ADARB2: variants seen among roughly 807,000 people sequenced by gnomAD.
ADARB2 encodes the protein inactive double-stranded RNA-specific editase B2.
In ADARB2, 25 loss-of-function variants were observed where a neutral mutation model predicts 62.2. The observed-to-expected ratio is 0.40, with a 90% CI of 0.29 to 0.56. The LOEUF is 0.56. ADARB2 is among the 20% of genes least tolerant of loss of function. ADARB2 has a pLI of 0.43. For missense variants in ADARB2, 1,071 were observed against 1,077.4 expected, an observed-to-expected ratio of 0.99 and a Z score of 0.08; for synonymous variants, 572 against 500.8, an observed-to-expected ratio of 1.14 and a Z score of -1.90.
At chr10:1,694,575 T>C (rs906169484) in intron 1 of ADARB2, among the ~76,000 whole-genome samples, 4 of 152,174 alleles carry the variant, frequency 2.6e-5, no homozygotes, top group Non-Finnish European at 4.4e-5. Flanking sequence ...AATGGCCCCA[T>C]TCAGGGGAAT....
intron 4 of ADARB2, among the ~76,000 whole-genome samples, chr10:1,257,177 G>A (rs1488104110): frequency 6.6e-6 from 1 of 152,184 alleles, no homozygotes; most frequent in African/African-American, 2.4e-5. Flanking sequence ...TGACTGAGGT[G>A]TGAGTTCCCC....
intron 3 of ADARB2, among the ~76,000 whole-genome samples, chr10:1,320,068 C>A (rs996911479): frequency 6.6e-6 from 1 of 152,208 alleles, no homozygotes; most frequent in African/African-American, 2.4e-5. Flanking sequence ...TCTTACTACT[C>A]CCTTCCCATT....
chr10:1,313,338 AG>A (rs1221789737), intron 3 of ADARB2, among the ~76,000 whole-genome samples: 1 of 152,198 alleles, frequency 6.6e-6, no homozygotes, highest in African/African-American at 2.4e-5. Flanking sequence ...TTCCACAGCC[AG>A]GGGTGTCCTG....
intron 6 of ADARB2, among the ~76,000 whole-genome samples, chr10:1,226,584 T>G (rs1830748752): frequency 6.6e-6 from 1 of 152,194 alleles, no homozygotes; most frequent in African/African-American, 2.4e-5. Context: ...ACAGATGGGT[T>G]TTTGGTGTGG....
Position 1,633,566 on chromosome 10 carries a change from ATC to A in ADARB2, c.100+103483_100+103484del, listed in dbSNP as rs1164121187. Among the ~76,000 whole-genome samples, 80 of 147,570 alleles carry A rather than the reference ATC, an allele frequency of 5.4e-4. 1 individual carries two copies. Among genetic ancestry groups the A allele is most frequent in the African/African-American group, 1.8e-3 (73 of 39,760 alleles). ...CTATCTATCATCTATCTATCTATCT[ATC>A]TATCTATCTATCTATCTATCTATCT... On this transcript the variant is annotated intron_variant, in intron 1 of 9. Transcript: ENST00000381312.
chr10:1,212,181 T>C (rs1264013446), intron 7 of ADARB2, among the ~76,000 whole-genome samples: 1 of 152,242 alleles, frequency 6.6e-6, no homozygotes, highest in Non-Finnish European at 1.5e-5. Flanking sequence ...GGGTCCTTTA[T>C]GTTGAATGTT....
chr10:1,441,708 T>G (rs1830908849), intron 1 of ADARB2, among the ~76,000 whole-genome samples: 1 of 152,210 alleles, frequency 6.6e-6, no homozygotes, highest in African/African-American at 2.4e-5. Flanking sequence ...TTTTAAAATT[T>G]GTTGAAATGT....
intron 7 of ADARB2, among the ~76,000 whole-genome samples, chr10:1,205,463 T>A (rs1837042607): frequency 6.6e-6 from 1 of 151,216 alleles, no homozygotes; most frequent in Non-Finnish European, 1.5e-5. Context: ...CGGGAGCCCG[T>A]GGCACAGCCT....
At chr10:1,341,898 G>A (rs970671310) in intron 3 of ADARB2, among the ~76,000 whole-genome samples, 14 of 152,144 alleles carry the variant, frequency 9.2e-5, no homozygotes, top group South Asian at 2.1e-4. Context: ...AAAGTGCCCC[G>A]CAGTGGCGAT....
rs1588349518 is a variant in ADARB2 at position 1,678,351 on chromosome 10, G to A, written c.100+58700C>T. 5 of 984,280 alleles carry A rather than the reference G, an allele frequency of 5.1e-6. No homozygotes were observed. In the South Asian group the frequency reaches 1.4e-4, roughly 28 times the overall value. 61.0% of individuals were successfully genotyped at this position (984,280 alleles called of 1,614,324 possible). Reference sequence around the variant, plus strand: ...GAACATCCTCGGGGTGAGGGACCTCGGAGTGAGTGACCTCGGGGTGAGCAT... The same window carrying A: ...GAACATCCTCGGGGTGAGGGACCTCAGAGTGAGTGACCTCGGGGTGAGCAT... On this transcript the variant is annotated intron_variant, in intron 1 of 9. Transcript: ENST00000381312.
At chr10:1,679,751 G>A (rs898614036) in intron 1 of ADARB2, among the ~76,000 whole-genome samples, 44 of 152,304 alleles carry the variant, frequency 2.9e-4, no homozygotes, top group African/African-American at 8.9e-4. Context: ...ACGATCTGTC[G>A]TTGAATGAGG....
At chr10:1,285,448 C>A (rs1831404394) in intron 3 of ADARB2, among the ~76,000 whole-genome samples, 1 of 152,190 alleles carries the variant, frequency 6.6e-6, no homozygotes, top group Admixed American at 6.5e-5. Context: ...AGATACCCAG[C>A]CTTGAAGCTA....
At chr10:1,392,173 T>C (rs1832576355) in intron 1 of ADARB2, among the ~76,000 whole-genome samples, 1 of 152,202 alleles carries the variant, frequency 6.6e-6, no homozygotes, top group South Asian at 2.1e-4. Flanking sequence ...ATTTCAAAAA[T>C]TGAAAGTGAG....
chr10:1,263,237 A>T (rs534543408), intron 4 of ADARB2, among the ~76,000 whole-genome samples: 248 of 152,224 alleles, frequency 1.6e-3, no homozygotes, highest in Non-Finnish European at 2.7e-3. Context: ...CATATGTAAC[A>T]AACCTGCACG....
chr10:1,664,858 GTTC>G (rs1458188661), intron 1 of ADARB2, among the ~76,000 whole-genome samples: 1 of 152,216 alleles, frequency 6.6e-6, no homozygotes, highest in Non-Finnish European at 1.5e-5. Flanking sequence ...GACTGCCAGA[GTTC>G]TTCTGTGCCC....
chr10:1,731,941 T>A (rs1835238663), intron 1 of ADARB2, among the ~76,000 whole-genome samples: 1 of 152,230 alleles, frequency 6.6e-6, no homozygotes, highest in Non-Finnish European at 1.5e-5. Flanking sequence ...TGGAAAATTA[T>A]CCTTTTAGAA....
intron 1 of ADARB2, among the ~76,000 whole-genome samples, chr10:1,537,360 G>A (rs768422726): frequency 6.6e-6 from 1 of 152,222 alleles, no homozygotes; most frequent in Non-Finnish European, 1.5e-5. Flanking sequence ...TTACACTGTT[G>A]GTGGGAATGT....
intron 1 of ADARB2, among the ~76,000 whole-genome samples, chr10:1,584,676 C>T (rs1232681931): frequency 1.3e-5 from 2 of 152,216 alleles, no homozygotes; most frequent in Non-Finnish European, 2.9e-5. Flanking sequence ...ACTGCCAAAA[C>T]TTGGAGCGAC....
intron 1 of ADARB2, among the ~76,000 whole-genome samples, chr10:1,717,527 T>TCTTTCCTTCCTTC (rs143185674): frequency 7.9e-5 from 12 of 151,216 alleles, no homozygotes; most frequent in African/African-American, 2.4e-4. Flanking sequence ...CTCTTTCCTT[T>TCTTTCCTTCCTTC]CTTTCCTTCC....
Sources: gnomAD v4.1 joint callset for allele counts (sites outside exome capture counted in the v4.1 genomes callset) on GRCh38, gnomAD v4.1.1 for gene constraint, MANE v1.5 for transcripts, NCBI Gene and HGNC (gene_info 2026-07-23, HGNC 2026-07-21) for gene names.